The following SEMA3E variants were observed in gnomAD, a reference collection of about 807,000 sequenced individuals.
SEMA3E encodes semaphorin 3E.
SEMA3E carries 49 observed loss-of-function variants against 93.6 expected under a neutral mutation model. That is an observed-to-expected ratio of 0.52 (90% CI 0.42 to 0.66). The LOEUF is 0.66. SEMA3E is among the 30% of genes least tolerant of loss of function. SEMA3E has a pLI of 0.00. For synonymous variants in SEMA3E, 363 were observed against 330.7 expected (o/e 1.10, Z -1.06); for missense variants, 906 against 964.8 (o/e 0.94, Z 0.81).
chr7:83,455,405 C>T (rs896563181), intron 4 of SEMA3E, among the ~76,000 whole-genome samples: 2 of 152,196 alleles, frequency 1.3e-5, no homozygotes, highest in African/African-American at 4.8e-5. Context: ...AGAACAGCTT[C>T]ATTTCTCATC....
chr7:83,556,123 T>C (rs1051282299), intron 1 of SEMA3E, among the ~76,000 whole-genome samples: 1 of 152,168 alleles, frequency 6.6e-6, no homozygotes, highest in Non-Finnish European at 1.5e-5. Context: ...TGTTATACGT[T>C]TTTATATGTT....
intron 4 of SEMA3E, among the ~76,000 whole-genome samples, chr7:83,460,538 T>C (rs967165791): frequency 6.6e-6 from 1 of 151,916 alleles, no homozygotes; most frequent in Non-Finnish European, 1.5e-5. Flanking sequence ...ATGCCTGCCT[T>C]GGTCCTTCAC....
chr7:83,519,289 A>G (rs183032172), intron 1 of SEMA3E, among the ~76,000 whole-genome samples: 1 of 152,218 alleles, frequency 6.6e-6, no homozygotes, highest in Admixed American at 6.5e-5. Context: ...TGTCCCTACA[A>G]AGGACATGAA....
chr7:83,433,629 A>G (rs1340012766), intron 4 of SEMA3E, among the ~76,000 whole-genome samples: 4 of 152,116 alleles, frequency 2.6e-5, no homozygotes, highest in East Asian at 3.8e-4. Context: ...ACTTGTTGAA[A>G]TATTAGTACA....
intron 4 of SEMA3E, among the ~76,000 whole-genome samples, chr7:83,457,014 C>A (rs1436735551): frequency 6.6e-6 from 1 of 152,142 alleles, no homozygotes; most frequent in Non-Finnish European, 1.5e-5. Flanking sequence ...TAAAACTGTA[C>A]CATTGATACT....
chr7:83,385,060 T>C (rs1272406977), intron 16 of SEMA3E, among the ~76,000 whole-genome samples: 1 of 150,788 alleles, frequency 6.6e-6, no homozygotes, highest in Non-Finnish European at 1.5e-5. Context: ...GATTTCTATG[T>C]ATGTGTATAG....
intron 1 of SEMA3E, among the ~76,000 whole-genome samples, chr7:83,496,559 T>A (rs1233008986): frequency 1.3e-5 from 2 of 152,052 alleles, no homozygotes; most frequent in Non-Finnish European, 2.9e-5. Context: ...TTTACATATC[T>A]CATATTTGAG....
At chr7:83,519,012 G>C (rs1488227842) in intron 1 of SEMA3E, among the ~76,000 whole-genome samples, 1 of 151,570 alleles carries the variant, frequency 6.6e-6, no homozygotes, top group Admixed American at 6.6e-5. Flanking sequence ...GGGTACATGT[G>C]CACAATGTGC....
chr7:83,444,616 G>GA (rs926392646), intron 4 of SEMA3E, among the ~76,000 whole-genome samples: 15 of 151,056 alleles, frequency 9.9e-5, no homozygotes, highest in Non-Finnish European at 1.9e-4. Flanking sequence ...CACGGACCAA[G>GA]AAAAGAATTC....
intron 1 of SEMA3E, among the ~76,000 whole-genome samples, chr7:83,572,519 G>T (rs925948421): frequency 3.9e-5 from 6 of 152,064 alleles, no homozygotes; most frequent in South Asian, 2.1e-4. Flanking sequence ...GCCGCTTGTA[G>T]TCCCAGCTAC....
At chr7:83,557,535 T>C (rs1324375795) in intron 1 of SEMA3E, among the ~76,000 whole-genome samples, 2 of 152,000 alleles carry the variant, frequency 1.3e-5, no homozygotes, top group Non-Finnish European at 2.9e-5. Flanking sequence ...AAAGATCTTT[T>C]CATTAATATT....
At chr7:83,382,868 A>G (rs1170249584) in intron 16 of SEMA3E, among the ~76,000 whole-genome samples, 2 of 152,096 alleles carry the variant, frequency 1.3e-5, no homozygotes, top group Admixed American at 1.3e-4. Flanking sequence ...AAAGTAGACA[A>G]TTGAGTTTCT....
At chr7:83,412,379 T>A (rs1788453601) in intron 5 of SEMA3E, among the ~76,000 whole-genome samples, 1 of 152,106 alleles carries the variant, frequency 6.6e-6, no homozygotes, top group Admixed American at 6.6e-5. Context: ...AAAGAATGGC[T>A]TAATGAGTTC....
intron 9 of SEMA3E, among the ~76,000 whole-genome samples, chr7:83,405,189 A>G (rs576395001): frequency 6.6e-6 from 1 of 152,194 alleles, no homozygotes; most frequent in Non-Finnish European, 1.5e-5. Context: ...TAGATTACAG[A>G]GTGAAGATAT....
At chr7:83,467,589 G>A (rs1323289080) in intron 3 of SEMA3E, among the ~76,000 whole-genome samples, 5 of 152,162 alleles carry the variant, frequency 3.3e-5, no homozygotes. Context: ...TGAGCTATCT[G>A]GTCTCTGTTG....
chr7:83,586,034 C>A (rs1792619504), intron 1 of SEMA3E, among the ~76,000 whole-genome samples: 1 of 152,114 alleles, frequency 6.6e-6, no homozygotes, highest in Non-Finnish European at 1.5e-5. Flanking sequence ...AACATATATG[C>A]ACATCCCAGA....
chr7:83,509,515 C>A (rs1237060039), intron 1 of SEMA3E, among the ~76,000 whole-genome samples: 1 of 152,136 alleles, frequency 6.6e-6, no homozygotes, highest in African/African-American at 2.4e-5. Flanking sequence ...ATTTACCTTA[C>A]CCTTCCCCAT....
chr7:83,605,494 G>A (rs541649180), intron 1 of SEMA3E, among the ~76,000 whole-genome samples: 20 of 151,078 alleles, frequency 1.3e-4, no homozygotes, highest in African/African-American at 4.6e-4. Context: ...ACAGTGGTGC[G>A]ATCTCAATTC....
At chr7:83,603,896 C>T (rs1793049782) in intron 1 of SEMA3E, among the ~76,000 whole-genome samples, 1 of 152,124 alleles carries the variant, frequency 6.6e-6, no homozygotes, top group Admixed American at 6.6e-5. Flanking sequence ...ACTCCCCTTA[C>T]ATGCGTGAGT....
Sources: allele counts gnomAD v4.1 joint callset (sites outside exome capture counted in the v4.1 genomes callset), GRCh38; gene constraint gnomAD v4.1.1; transcripts MANE v1.5; gene names NCBI Gene and HGNC (gene_info 2026-07-23, HGNC 2026-07-21).